Variants in ZNF236 observed in about 807,000 individuals in gnomAD.
ZNF236 encodes the protein regulated by glucose.
A neutral mutation model predicts 191.2 loss-of-function variants in ZNF236; 50 were observed. That is an observed-to-expected ratio of 0.26 (90% confidence interval 0.21 to 0.33). ZNF236 has a LOEUF of 0.33. ZNF236 is among the 10% of genes least tolerant of loss of function. The pLI, the probability that ZNF236 is intolerant of heterozygous loss-of-function variation, is 1.00. For missense variants in ZNF236, 1,754 were observed against 2,374.5 expected, an observed-to-expected ratio of 0.74 and a Z score of 5.43; for synonymous variants, 907 against 928.8, an observed-to-expected ratio of 0.98 and a Z score of 0.43.
chr18:76,952,318 G>T (rs1190964297), intron 27 of ZNF236, among the ~76,000 whole-genome samples: 1 of 152,216 alleles, frequency 6.6e-6, no homozygotes, highest in Non-Finnish European at 1.5e-5. Context: ...CCCTTGTTAG[G>T]TTGTAGCACT....
intron 9 of ZNF236, among the ~76,000 whole-genome samples, chr18:76,893,767 C>G (rs9958299): frequency 0.024 from 3,722 of 152,332 alleles, 132 homozygotes; most frequent in African/African-American, 0.082. Flanking sequence ...TCCGCCTTGG[C>G]CTCTCAGAGT....
Position 76,968,995 on chromosome 18 carries a change from A to T in ZNF236, c.*656A>T, listed in dbSNP as rs1303894633. ...GGGGCGTCAACATGGGGACTCGAGT[A>T]AACCTGACCCACCAATAAGGATTCA... On this transcript the variant is annotated 3_prime_UTR_variant, in exon 31 of 31. Coordinates refer to ENST00000320610, the MANE Select transcript of ZNF236 (RefSeq NM_001306089.2). The T allele has an allele frequency of 2.0e-6, 2 of 985,730 alleles. No homozygotes were observed. The highest frequency in any genetic ancestry group is 1.2e-4 in the Admixed American group (2 of 16,268). The allele number at this position is 985,730 out of a possible 1,614,324, so 61.1% of individuals were successfully genotyped here.
intron 1 of ZNF236, among the ~76,000 whole-genome samples, chr18:76,832,303 A>G (rs1192527776): frequency 6.6e-6 from 1 of 151,670 alleles, no homozygotes; most frequent in Non-Finnish European, 1.5e-5. Flanking sequence ...CTGGCCTCCA[A>G]CTCCTCGCCT....
At chr18:76,874,400 C>T (rs770831427) in intron 5 of ZNF236, among the ~76,000 whole-genome samples, 10 of 151,960 alleles carry the variant, frequency 6.6e-5, no homozygotes, top group Non-Finnish European at 1.0e-4. Context: ...TAACCTAACT[C>T]GATTTTGTCT....
chr18:76,903,618 G>T (rs1977662356), intron 11 of ZNF236, among the ~76,000 whole-genome samples: 1 of 152,100 alleles, frequency 6.6e-6, no homozygotes, highest in African/African-American at 2.4e-5. Context: ...GCAGCCCAAG[G>T]CTGATTAGAG....
In ZNF236 at chr18:76,905,272, G is replaced by C. The variant is rs371414420; in HGVS notation, c.2154G>C (p.Leu718=). 30 of 1,614,082 alleles carry C rather than the reference G, an allele frequency of 1.9e-5. No individual in the cohort carries two copies. The highest frequency in any genetic ancestry group is 2.5e-5 in the Non-Finnish European group (29 of 1,180,038). Residue 718 remains leucine (L), a synonymous_variant, in exon 13 of 31, where the codon CTG becomes CTC. Transcript: ENST00000320610. Reference sequence around the variant, plus strand: ...CAGGACTGAAATCTTTCAAGTGTCTGATATGTAATGGGGCTTTCACTACTG... The same window carrying C: ...CAGGACTGAAATCTTTCAAGTGTCTCATATGTAATGGGGCTTTCACTACTG... ...THTGLKSFKC[L]ICNGAFTTGG...
rs575619700 is a variant in ZNF236 at position 76,958,254 on chromosome 18, T to C, written c.5113-1433T>C. ...ATTCTTTCTTGAGGAACATTTGCCA[T>C]TGTCTCAGAGAGCACTTTCTAGGGA... On this transcript the variant is annotated intron_variant, in intron 28 of 30. Transcript: ENST00000320610. Among the ~76,000 whole-genome samples, 54 of 152,358 alleles carry C rather than the reference T, an allele frequency of 3.5e-4. 1 individual carries two copies. The South Asian group carries it at 8.9e-3, about 25-fold the overall frequency.
chr18:76,863,023 A>C lies in ZNF236; in HGVS notation c.364-5662A>C, dbSNP rs1976289798. On this transcript the variant is annotated intron_variant, in intron 3 of 30. Coordinates refer to ENST00000320610, the MANE Select transcript of ZNF236 (RefSeq NM_001306089.2). The stretch of plus-strand genomic sequence containing the variant: ...AAGAAAGAAATAGAAGAAATAACCA[A>C]AGGGAAATTATAGAACTGAAAAATC... Among the ~76,000 whole-genome samples, 3 of 152,338 alleles carry C rather than the reference A, an allele frequency of 2.0e-5. 1 individual carries two copies. In the South Asian group the frequency reaches 6.2e-4, roughly 32 times the overall value.
intron 10 of ZNF236, among the ~76,000 whole-genome samples, chr18:76,895,690 A>G (rs779828053): frequency 6.6e-6 from 1 of 152,112 alleles, no homozygotes; most frequent in Non-Finnish European, 1.5e-5. Context: ...ACAGTACCCC[A>G]CATAGTACTG....
chr18:76,931,661 A>C (rs1329645557), intron 25 of ZNF236, among the ~76,000 whole-genome samples: 1 of 152,226 alleles, frequency 6.6e-6, no homozygotes, highest in Non-Finnish European at 1.5e-5. Context: ...CAGCTTTCTA[A>C]GATTTTAAAG....
intron 3 of ZNF236, among the ~76,000 whole-genome samples, chr18:76,866,801 C>G (rs1018785608): frequency 6.6e-6 from 1 of 152,132 alleles, no homozygotes; most frequent in Non-Finnish European, 1.5e-5. Context: ...AAGAACACTT[C>G]CTCAAGTGTT....
chr18:76,898,532 TAAG>T (rs780916132), intron 10 of ZNF236, among the ~76,000 whole-genome samples: 2 of 152,232 alleles, frequency 1.3e-5, no homozygotes, highest in Non-Finnish European at 1.5e-5. Context: ...AGAGGATCAT[TAAG>T]AAGATATTAG....
chr18:76,866,190 A>G (rs1306394583), intron 3 of ZNF236, among the ~76,000 whole-genome samples: 1 of 152,250 alleles, frequency 6.6e-6, no homozygotes, highest in Non-Finnish European at 1.5e-5. Context: ...CACTCAACAC[A>G]AACAACTTTC....
chr18:76,913,804 G>A lies in ZNF236; in HGVS notation c.2967G>A (p.Arg989=). The A allele has an allele frequency of 1.9e-6, 3 of 1,614,244 alleles. No homozygotes were observed. The highest frequency in any genetic ancestry group is 2.2e-5 in the East Asian group (1 of 44,890). ...CCAGCCACCTGAAGCAGCATGTGCG[G>A]TCGCACACCGGGGAAAAGCCCTACA... ...KKSSHLKQHV[R]SHTGEKPYKC... The change falls in exon 18 of 31, where the codon CGG becomes CGA. Residue 989 remains arginine, a synonymous_variant. Coordinates refer to ENST00000320610, the MANE Select transcript of ZNF236 (RefSeq NM_001306089.2).
Position 76,910,773 on chromosome 18 carries a change from A to C in ZNF236, c.2767A>C (p.Ser923Arg). ...QALSTSFHQQ[S>R]LLQAPSSDGM... is the part of the protein sequence containing the mutation. ...CCTCTCCACAAGCTTCCACCAGCAG[A>C]GCTTGCTGCAGGCTCCCAGCTCTGA... The change falls in exon 16 of 31, where the codon AGC becomes CGC. Residue 923 changes from serine (S) to arginine (R), a missense_variant. Physicochemically the swap from Ser to Arg is moderately radical, Grantham distance 110. Transcript: ENST00000320610. 6.2e-7 allele frequency: 1 copy of C among 1,614,134 alleles called. No homozygotes were observed. The highest frequency in any genetic ancestry group is 8.5e-7 in the Non-Finnish European group (1 of 1,180,018).
intron 3 of ZNF236, among the ~76,000 whole-genome samples, chr18:76,852,857 T>G (rs1013747756): frequency 2.6e-5 from 4 of 152,168 alleles, no homozygotes; most frequent in African/African-American, 4.8e-5. Flanking sequence ...GACTTAATGT[T>G]TTTTGATTTT....
chr18:76,962,692 T>C (rs1401029108), intron 30 of ZNF236, among the ~76,000 whole-genome samples: 2 of 152,238 alleles, frequency 1.3e-5, no homozygotes, highest in African/African-American at 4.8e-5. Context: ...ACCATGAGCA[T>C]GGGATGTGTT....
intron 3 of ZNF236, among the ~76,000 whole-genome samples, chr18:76,864,795 A>G (rs184574113): frequency 6.6e-5 from 10 of 152,024 alleles, no homozygotes; most frequent in South Asian, 4.2e-4. Context: ...GTAAAATGTC[A>G]ATGCCAGTAG....
intron 1 of ZNF236, among the ~76,000 whole-genome samples, chr18:76,832,514 T>G (rs1187143695): frequency 1.3e-5 from 2 of 152,062 alleles, no homozygotes; most frequent in African/African-American, 2.4e-5. Context: ...ATTTTTGTCT[T>G]TTTTTTACAT....
Sources: gnomAD v4.1 joint callset for allele counts (sites outside exome capture counted in the v4.1 genomes callset) on GRCh38, gnomAD v4.1.1 for gene constraint, MANE v1.5 for transcripts, NCBI Gene and HGNC (gene_info 2026-07-23, HGNC 2026-07-21) for gene names.